The following ZNF208 variants were observed in gnomAD, a reference collection of about 807,000 sequenced individuals.
The protein encoded by ZNF208 is zinc finger protein 95.
Under a neutral mutation model 12.1 loss-of-function variants are expected in ZNF208, and 10 were observed. The ratio of observed to expected loss-of-function variants is 0.83; its 90% CI spans 0.51 to 1.40. The LOEUF (loss-of-function observed/expected upper bound fraction) is 1.40, where lower values mean the gene tolerates loss of function less well. Ranked by LOEUF, ZNF208 falls within the 40% of genes most tolerant of loss-of-function variation. The probability of loss-of-function intolerance (pLI) is 0.00; values close to 1 mark genes in which losing one functional copy is unlikely to be tolerated. For missense variants in ZNF208, 1,652 were observed against 1,485.0 expected (o/e 1.11, Z -1.85); for synonymous variants, 497 against 488.4 (o/e 1.02, Z -0.23).
intron 3 of ZNF208, among the ~76,000 whole-genome samples, chr19:21,979,086 C>G (rs1205264954): frequency 6.6e-6 from 1 of 152,090 alleles, no homozygotes; most frequent in Non-Finnish European, 1.5e-5. Flanking sequence ...TGTGAAAAGA[C>G]CAAATCTACA....
rs534261282 is a variant in ZNF208, at chr19:21,971,436, C to G, written c.3598G>C (p.Glu1200Gln). Residue 1200 changes from glutamate to glutamine, a missense_variant, in exon 4 of 4, where the codon GAA becomes CAA. Around this residue, in one of 3 missense-constraint regions of ZNF208, gnomAD observed 1,239 missense variants for 1,086.2 expected, o/e 1.14. Transcript: ENST00000397126. ...IHTGEKLYKCEECGKAYKWPS... is the reference protein window; with the variant it reads ...IHTGEKLYKCQECGKAYKWPS... The stretch of plus-strand genomic sequence containing the variant: ...CACTTATAGGCTTTGCCACATTCTT[C>G]ACATTTGTAGAGTTTCTCTCCAGTA... The G allele has an allele frequency of 6.2e-7, 1 of 1,610,078 alleles. No homozygotes were observed. The highest frequency in any genetic ancestry group is 1.7e-5 in the Admixed American group (1 of 59,858).
rs1970274034 is a variant in ZNF208 at position 21,971,218 on chromosome 19, C to G, written c.3816G>C (p.Lys1272Asn). 1 of 1,611,434 alleles carries G rather than the reference C, an allele frequency of 6.2e-7. No homozygotes were observed. Among genetic ancestry groups the G allele is most frequent in the Non-Finnish European group, 8.5e-7 (1 of 1,179,598 alleles). The part of the protein sequence containing the change: ...FSWLSVFSKH[K>N]KIHTGEKL Reference sequence around the variant, plus strand: ...AGAGTTTCTCTCCAGTATGAATTTTCTTATGTTTACTGAAGACTGATAACC... The same window carrying G: ...AGAGTTTCTCTCCAGTATGAATTTTGTTATGTTTACTGAAGACTGATAACC... Residue 1272 changes from lysine to asparagine, a missense_variant, in exon 4 of 4, where the codon AAG (lysine) becomes AAC (asparagine). This residue lies in a region of ZNF208 where 1,239 missense variants were observed against 1,086.2 expected (regional missense o/e 1.14). Coordinates refer to ENST00000397126, the MANE Select transcript of ZNF208 (RefSeq NM_007153.3).
intron 4 of ZNF208, among the ~76,000 whole-genome samples, chr19:21,948,886 G>C (rs2666450): frequency 6.6e-6 from 1 of 151,912 alleles, no homozygotes; most frequent in South Asian, 2.1e-4. Flanking sequence ...CATTCCCAAT[G>C]AGAATAAAAA....
intron 3 of ZNF208, chr19:21,986,591 C>G (rs1401363653): frequency 6.5e-6 from 1 of 153,582 alleles, no homozygotes; most frequent in African/African-American, 2.4e-5. Context: ...TCTCTAGATT[C>G]AATAAACTCT....
Position 21,973,665 on chromosome 19 carries a change from C to G in ZNF208, c.1369G>C (p.Glu457Gln). The G allele has an allele frequency of 2.5e-6, 4 of 1,570,872 alleles. No homozygotes were observed. Among genetic ancestry groups the G allele is most frequent in the African/African-American group, 1.3e-5 (1 of 74,188 alleles). The change falls in exon 4 of 4, where the codon GAA (glutamate) becomes CAA (glutamine). Residue 457 changes from glutamate to glutamine, a missense_variant. By Grantham distance (29) the Glu-to-Gln change is conservative (BLOSUM62 2). Around this residue, in one of 3 missense-constraint regions of ZNF208, gnomAD observed 1,239 missense variants for 1,086.2 expected, o/e 1.14. Coordinates refer to ENST00000397126, the MANE Select transcript of ZNF208 (RefSeq NM_007153.3). ...AACATACTAAAGCCTTTGCCACATT[C>G]TTCACATTTGTAGGGTGTCTCTCCA... ...HTGETPYKCE[E>Q]CGKGFSMFSI...
At chr19:22,007,631 T>C (rs1971069773) in intron 1 of ZNF208, among the ~76,000 whole-genome samples, 1 of 151,836 alleles carries the variant, frequency 6.6e-6, no homozygotes, top group Non-Finnish European at 1.5e-5. Flanking sequence ...TTTTTGAAAT[T>C]CACCTTTTTT....
intron 1 of ZNF208, among the ~76,000 whole-genome samples, chr19:22,008,724 G>A (rs1971092767): frequency 6.6e-6 from 1 of 152,102 alleles, no homozygotes; most frequent in East Asian, 1.9e-4. Flanking sequence ...AATGGAAGCT[G>A]CGTTGGGTAA....
At chr19:21,981,185 G>C (rs1970530687) in intron 3 of ZNF208, among the ~76,000 whole-genome samples, 1 of 152,076 alleles carries the variant, frequency 6.6e-6, no homozygotes, top group South Asian at 2.1e-4. Context: ...TGGAAAAAGA[G>C]GGACTCCTGT....
intron 1 of ZNF208, among the ~76,000 whole-genome samples, chr19:21,990,888 A>G (rs2145570352): frequency 6.6e-6 from 1 of 152,200 alleles, no homozygotes; most frequent in East Asian, 1.9e-4. Context: ...GGAGTTCACT[A>G]TGATTTGGCT....
Position 21,973,082 on chromosome 19 carries a change from G to T in ZNF208, c.1952C>A (p.Thr651Asn), listed in dbSNP as rs148696573. The T allele has an allele frequency of 1.0e-3, 1,669 of 1,594,206 alleles. 24 individuals are homozygous for T. The African/African-American group carries it at 0.02, about 19-fold the overall frequency. The change falls in exon 4 of 4, where the codon ACC becomes AAC. Residue 651 changes from threonine to asparagine, a missense_variant. By Grantham distance (65) the Thr-to-Asn change is moderately conservative (BLOSUM62 0). This residue lies in a region of ZNF208 where 1,239 missense variants were observed against 1,086.2 expected (regional missense o/e 1.14). Coordinates refer to ENST00000397126, the MANE Select transcript of ZNF208 (RefSeq NM_007153.3). ...ATGAATTGCCTTATGTGTAGTAAGG[G>T]TTGAGACCTTAATAAAGGTTTTGCC... ...ECGKTFIKVS[T>N]LTTHKAIHAG...
Position 21,974,366 on chromosome 19 carries a change from T to G in ZNF208, c.668A>C (p.His223Pro). Residue 223 changes from histidine (H) to proline (P), a missense_variant, in exon 4 of 4, where the codon CAT (histidine) becomes CCT (proline). His to Pro is a moderately conservative substitution (Grantham distance 77, BLOSUM62 -2). Around this residue, in one of 3 missense-constraint regions of ZNF208, gnomAD observed 410 missense variants for 378.2 expected, o/e 1.08. Coordinates refer to ENST00000397126, the MANE Select transcript of ZNF208 (RefSeq NM_007153.3). The stretch of plus-strand genomic sequence containing the variant: ...ACATCTGTAGGGTTTCTCTCCAGTA[T>G]GAGCACTCTTATAATAAGTAAGGGT... ...SSTLTYYKSA[H>P]TGEKPYRCKE... 6.2e-6 allele frequency: 10 copies of G among 1,613,832 alleles called. No individual in the cohort carries two copies. Among genetic ancestry groups the G allele is most frequent in the South Asian group, 1.1e-5 (1 of 91,076 alleles).
rs145793825 is a variant in ZNF208, at chr19:21,943,459, T to G, written c.306-10222A>C. 5.3e-5 allele frequency among the ~76,000 whole-genome samples: 8 copies of G among 152,356 alleles called. No individual in the cohort carries two copies. The East Asian group carries it at 1.5e-3, about 29-fold the overall frequency. ...CAGATGTTTTGCCACAGTGGCATACTAATAAAAATGATTTATCTTTAATTT... is the reference window on the plus strand; with the variant it reads ...CAGATGTTTTGCCACAGTGGCATACGAATAAAAATGATTTATCTTTAATTT... On this transcript the variant is annotated intron_variant, in intron 4 of 4. Transcript: ENST00000599916.
At chr19:22,000,787 A>T (rs1295153046) in intron 1 of ZNF208, among the ~76,000 whole-genome samples, 1 of 152,124 alleles carries the variant, frequency 6.6e-6, no homozygotes, top group East Asian at 1.9e-4. Flanking sequence ...TATTTTTTTA[A>T]AAAAGGTAAA....
downstream of ZNF208, chr19:21,966,092 T>A (rs1383280096): frequency 6.6e-6 from 1 of 151,694 alleles, no homozygotes; most frequent in Non-Finnish European, 1.5e-5. Flanking sequence ...ATAGAACATG[T>A]CATTATACCA....
rs892538336 is a variant in ZNF208 at position 21,967,216 on chromosome 19, T to C, written c.*3975A>G. On this transcript the variant is annotated 3_prime_UTR_variant, in exon 4 of 4. Transcript: ENST00000397126. ...GATCAAGTCTTTAATCTATATTGAGTTGTTTTTTTTTTATAGAAAAAGGTA... is the reference window on the plus strand; with the variant it reads ...GATCAAGTCTTTAATCTATATTGAGCTGTTTTTTTTTTATAGAAAAAGGTA... 2 of 152,028 alleles carry C rather than the reference T, an allele frequency of 1.3e-5. No individual in the cohort carries two copies. The highest frequency in any genetic ancestry group is 2.9e-5 in the Non-Finnish European group (2 of 67,996). 9.4% of individuals were successfully genotyped at this position (152,028 alleles called of 1,614,324 possible).
At position 21,974,032 on chromosome 19, in the gene ZNF208, A is replaced by T. The variant is rs1970373770; in HGVS notation, c.1002T>A (p.Ile334=). ...KVSTLITHKA[I]HAGEKPYKCK... is the part of the protein sequence containing the mutation. ...ATTTGTAGGGCTTCTCTCCAGCATGAATTGCCTTATGTGTAATAAGGGTTG... is the reference window on the plus strand; with the variant it reads ...ATTTGTAGGGCTTCTCTCCAGCATGTATTGCCTTATGTGTAATAAGGGTTG... The change falls in exon 4 of 4, where the codon ATT becomes ATA. Residue 334 remains isoleucine, a synonymous_variant. Transcript: ENST00000397126. The T allele has an allele frequency of 7.4e-7, 1 of 1,353,992 alleles. No homozygotes were observed. Among genetic ancestry groups the T allele is most frequent in the African/African-American group, 1.5e-5 (1 of 65,348 alleles). 83.9% of individuals were successfully genotyped at this position (1,353,992 alleles called of 1,614,324 possible). A position where few individuals can be genotyped will look rare whatever the true frequency, so the allele number is the denominator to read the frequency against.
At chr19:21,980,403 G>A (rs1272778915) in intron 3 of ZNF208, among the ~76,000 whole-genome samples, 1 of 152,054 alleles carries the variant, frequency 6.6e-6, no homozygotes, top group African/African-American at 2.4e-5. Flanking sequence ...TTTGAACTCA[G>A]GATTAAGAAA....
rs754966419 is a variant in ZNF208 at position 21,995,141 on chromosome 19, G to A, written c.4-6232C>T. On this transcript the variant is annotated intron_variant, in intron 1 of 3. Transcript: ENST00000397126. ...TAATTTGGGTATTTTTAGTAGAGATGGGATTTCACCATGTTGGCCAGGCTG... is the reference window on the plus strand; with the variant it reads ...TAATTTGGGTATTTTTAGTAGAGATAGGATTTCACCATGTTGGCCAGGCTG... 4.4e-4 allele frequency among the ~76,000 whole-genome samples: 67 copies of A among 151,856 alleles called. 1 individual carries two copies. Among genetic ancestry groups the A allele is most frequent in the Non-Finnish European group, 8.8e-4 (60 of 67,960 alleles).
chr19:21,999,668 C>CAA (rs904420397), intron 1 of ZNF208, among the ~76,000 whole-genome samples: 10 of 141,672 alleles, frequency 7.1e-5, no homozygotes, highest in African/African-American at 1.8e-4. Context: ...AGACTAAAGA[C>CAA]AAAAAAAAAA....
Sources: allele counts gnomAD v4.1 joint callset (sites outside exome capture counted in the v4.1 genomes callset), GRCh38; gene constraint gnomAD v4.1.1; regional missense constraint gnomAD v4.1.1; transcripts MANE v1.5; gene names NCBI Gene and HGNC (gene_info 2026-07-23, HGNC 2026-07-21).